NECTIN2: variants seen among roughly 807,000 people sequenced by gnomAD.
NECTIN2 encodes the protein nectin-2.
A neutral mutation model predicts 56.9 loss-of-function variants in NECTIN2; 23 were observed. The ratio of observed to expected loss-of-function variants is 0.40; its 90% CI spans 0.29 to 0.57. The LOEUF (loss-of-function observed/expected upper bound fraction) is 0.57, where lower values mean the gene tolerates loss of function less well. Ranked by LOEUF, NECTIN2 falls within the 20% of genes least tolerant of loss-of-function variation. NECTIN2 has a pLI of 0.38. For missense variants in NECTIN2, 587 were observed against 718.3 expected (o/e 0.82, Z 2.09); for synonymous variants, 302 against 313.8 (o/e 0.96, Z 0.40).
At chr19:44,846,797 T>A (rs1054228090) in intron 1 of NECTIN2, among the ~76,000 whole-genome samples, 184 bp downstream of exon 1, 1 of 147,148 alleles carries the variant, frequency 6.8e-6, no homozygotes, top group Non-Finnish European at 1.5e-5. Context: ...GAGGAGACTC[T>A]GACCCCTCCT....
chr19:44,860,538 A>G (rs1969020284), intron 1 of NECTIN2, among the ~76,000 whole-genome samples: 1 of 152,112 alleles, frequency 6.6e-6, no homozygotes, highest in Non-Finnish European at 1.5e-5. Context: ...TGATTATAGT[A>G]ACAGATGTAA....
chr19:44,867,193 T>G (rs1329808575), intron 2 of NECTIN2, among the ~76,000 whole-genome samples: 1 of 152,010 alleles, frequency 6.6e-6, no homozygotes, highest in Non-Finnish European at 1.5e-5. Context: ...TAAATTTTTT[T>G]GTATTTTTAG....
intron 6 of NECTIN2, among the ~76,000 whole-genome samples, chr19:44,882,760 C>T (rs559818223): frequency 7.0e-6 from 1 of 143,154 alleles, no homozygotes; most frequent in East Asian, 2.1e-4. Flanking sequence ...GCAAAGACTC[C>T]TCGGAGCCCA....
At chr19:44,886,942 G>A (rs959375616) in intron 8 of NECTIN2, among the ~76,000 whole-genome samples, 5 of 151,786 alleles carry the variant, frequency 3.3e-5, no homozygotes, top group Admixed American at 6.6e-5. Flanking sequence ...TGAGGTGGGC[G>A]GATTGCTTAA....
At chr19:44,873,641 A>T (rs1969202630) in intron 3 of NECTIN2, among the ~76,000 whole-genome samples, 1 of 151,712 alleles carries the variant, frequency 6.6e-6, no homozygotes, top group Admixed American at 6.6e-5. Flanking sequence ...TCAAAAACAC[A>T]CACACACACA....
chr19:44,879,823 G>A (rs1451484966), intron 5 of NECTIN2, among the ~76,000 whole-genome samples: 1 of 149,184 alleles, frequency 6.7e-6, no homozygotes, highest in Non-Finnish European at 1.5e-5. Flanking sequence ...CAGCCTCATT[G>A]ACCTCCACAG....
At position 44,846,538 on chromosome 19, in the gene NECTIN2, G is replaced by A. The variant is rs1968835988; in HGVS notation, c.13G>A (p.Ala5Thr). MARA[A>T]ALLPSRSPPT... ...TCCCGGGCCCTCCATGGCCCGGGCC[G>A]CTGCCCTCCTGCCGTCGAGATCGCC... Residue 5 changes from alanine (A) to threonine (T), a missense_variant, in exon 1 of 9, where the codon GCT becomes ACT. Coordinates refer to ENST00000252483, the MANE Select transcript of NECTIN2 (RefSeq NM_001042724.2). 1.3e-6 allele frequency: 2 copies of A among 1,519,714 alleles called. No individual in the cohort carries two copies. The highest frequency in any genetic ancestry group is 1.8e-6 in the Non-Finnish European group (2 of 1,140,496). The allele number at this position is 1,519,714 out of a possible 1,614,324, so 94.1% of individuals were successfully genotyped here.
rs890725501 is a variant in NECTIN2, at chr19:44,875,844, C to T, written c.1042+1366C>T. Among the ~76,000 whole-genome samples, 3 of 152,190 alleles carry T rather than the reference C, an allele frequency of 2.0e-5. No homozygotes were observed. The highest frequency in any genetic ancestry group is 2.0e-4 in the Admixed American group (3 of 15,280). On this transcript the variant is annotated intron_variant, in intron 5 of 8. Coordinates refer to ENST00000252483, the MANE Select transcript of NECTIN2 (RefSeq NM_001042724.2). This position sits in a 1 kb window ranked among gnomAD's most constrained non-coding sequence, Gnocchi z 4.2. The stretch of plus-strand genomic sequence containing the variant: ...AGATACAGCCAGGGAGATAGGACAC[C>T]CCTACGGGAAACACTGTCACAGACA...
intron 1 of NECTIN2, among the ~76,000 whole-genome samples, chr19:44,858,130 G>C (rs186472069): frequency 1.3e-5 from 2 of 152,078 alleles, no homozygotes; most frequent in African/African-American, 2.4e-5. Flanking sequence ...ATTTCGCATA[G>C]CTCAGACTGA....
intron 2 of NECTIN2, among the ~76,000 whole-genome samples, chr19:44,867,548 T>C (rs559741894): frequency 6.6e-6 from 1 of 152,284 alleles, no homozygotes; most frequent in Non-Finnish European, 1.5e-5. Context: ...GGGGACATAG[T>C]GGCCTCATTG....
intron 1 of NECTIN2, among the ~76,000 whole-genome samples, chr19:44,853,421 T>G (rs372384244): frequency 6.6e-6 from 1 of 151,386 alleles, no homozygotes; most frequent in South Asian, 2.1e-4. Flanking sequence ...GGTCTCAATC[T>G]CCTGACCTCG....
chr19:44,856,971 C>T (rs1181282628), intron 1 of NECTIN2, among the ~76,000 whole-genome samples: 1 of 152,202 alleles, frequency 6.6e-6, no homozygotes, highest in Non-Finnish European at 1.5e-5. Context: ...GCCCCGTGAA[C>T]ATCCCCCATG....
chr19:44,868,989 G>A (rs1969138798), intron 2 of NECTIN2, among the ~76,000 whole-genome samples: 1 of 151,914 alleles, frequency 6.6e-6, no homozygotes, highest in Admixed American at 6.6e-5. Context: ...ACGTCACTCT[G>A]GATGCCTTTT....
intron 1 of NECTIN2, among the ~76,000 whole-genome samples, chr19:44,849,074 TAG>T (rs1241387957): frequency 6.6e-6 from 1 of 151,670 alleles, no homozygotes; most frequent in Admixed American, 6.6e-5. Flanking sequence ...GGTGGGTATA[TAG>T]AGAGGCTGGA....
intron 5 of NECTIN2, chr19:44,878,682 G>T: frequency 6.5e-7 from 1 of 1,533,722 alleles, no homozygotes. Flanking sequence ...GACCACGCCG[G>T]CCTAGGGTTC....
chr19:44,858,046 T>C (rs548254646), intron 1 of NECTIN2, among the ~76,000 whole-genome samples: 1 of 152,342 alleles, frequency 6.6e-6, no homozygotes, highest in South Asian at 2.1e-4. Context: ...CAGGAACCAC[T>C]GCCTCGGGCA....
chr19:44,880,279 C>T (rs1194351275), intron 5 of NECTIN2, among the ~76,000 whole-genome samples: 1 of 152,032 alleles, frequency 6.6e-6, no homozygotes, highest in Non-Finnish European at 1.5e-5. Context: ...CCTCCTTACA[C>T]ACCCAGCAAA....
At chr19:44,853,865 G>A (rs1369999450) in intron 1 of NECTIN2, among the ~76,000 whole-genome samples, 1 of 152,132 alleles carries the variant, frequency 6.6e-6, no homozygotes, top group Admixed American at 6.6e-5. Flanking sequence ...AGATACTGAG[G>A]GTACAGGTTG....
chr19:44,883,373 C>T (rs987911265), intron 6 of NECTIN2, among the ~76,000 whole-genome samples: 2 of 151,992 alleles, frequency 1.3e-5, no homozygotes, highest in Non-Finnish European at 2.9e-5. Flanking sequence ...CTCCCTGGTT[C>T]AAGCGATTCT....
Sources: gnomAD v4.1 joint callset for allele counts (sites outside exome capture counted in the v4.1 genomes callset) on GRCh38, gnomAD v4.1.1 for gene constraint, Gnocchi (gnomAD v3.1) non-coding constraint, MANE v1.5 for transcripts, NCBI Gene and HGNC (gene_info 2026-07-23, HGNC 2026-07-21) for gene names.